CLINT1: variants seen among roughly 807,000 people sequenced by gnomAD.
CLINT1 encodes clathrin interacting protein localized in the trans-Golgi region.
A neutral mutation model predicts 70.4 loss-of-function variants in CLINT1; 15 were observed. That is an observed-to-expected ratio of 0.21 (90% confidence interval 0.14 to 0.33). The LOEUF (loss-of-function observed/expected upper bound fraction) is 0.33. CLINT1 is among the 10% of genes least tolerant of loss of function. The probability of loss-of-function intolerance (pLI) is 1.00; values close to 1 mark genes in which losing one functional copy is unlikely to be tolerated. For synonymous variants in CLINT1, 227 were observed against 254.7 expected, an observed-to-expected ratio of 0.89 and a Z score of 1.04; for missense variants, 615 against 778.1, an observed-to-expected ratio of 0.79 and a Z score of 2.49.
chr5:157,857,077 C>T (rs1184579851), intron 1 of CLINT1, among the ~76,000 whole-genome samples: 2 of 152,034 alleles, frequency 1.3e-5, no homozygotes, highest in African/African-American at 4.8e-5. Context: ...CTTCTGACCT[C>T]TGACTGAGAA....
chr5:157,839,482 G>T (rs932339362), intron 1 of CLINT1, among the ~76,000 whole-genome samples: 2 of 152,026 alleles, frequency 1.3e-5, no homozygotes, highest in Non-Finnish European at 1.5e-5. Context: ...GCAGGCACCT[G>T]TAATCCCAGC....
At chr5:157,810,219 A>T (rs1762513628) in intron 5 of CLINT1, among the ~76,000 whole-genome samples, 1 of 152,244 alleles carries the variant, frequency 6.6e-6, no homozygotes, top group African/African-American at 2.4e-5. Flanking sequence ...TTTTCAGAAA[A>T]GCATTGGATA....
rs576702660 is a variant in CLINT1 at position 157,853,423 on chromosome 5, T to C, written c.41+5507A>G. ...TGTGAAACCTTGGATTACTAGCAAA[T>C]GGCACTCAAAATAAAAAAGGCTAAG... On this transcript the variant is annotated intron_variant, in intron 1 of 11. Transcript: ENST00000411809. Among the ~76,000 whole-genome samples, 24 of 150,900 alleles carry C rather than the reference T, an allele frequency of 1.6e-4. No homozygotes were observed. The South Asian group carries it at 4.6e-3, about 29-fold the overall frequency.
At chr5:157,795,191 T>TA in intron 8 of CLINT1, 1 of 512,168 alleles carries the variant, frequency 2.0e-6, no homozygotes, top group South Asian at 3.0e-5. Flanking sequence ...TCTAGTAAGA[T>TA]AAATGACACT....
intron 1 of CLINT1, among the ~76,000 whole-genome samples, chr5:157,825,282 T>C (rs1268400888): frequency 2.0e-5 from 3 of 152,180 alleles, no homozygotes; most frequent in African/African-American, 7.2e-5. Context: ...ATGCATCTTC[T>C]GTTTTCCTCT....
intron 1 of CLINT1, among the ~76,000 whole-genome samples, chr5:157,826,986 G>A (rs1027141433): frequency 2.0e-5 from 3 of 152,132 alleles, no homozygotes; most frequent in African/African-American, 4.8e-5. Flanking sequence ...TTACAGAAGA[G>A]TTTACCTAAC....
chr5:157,841,145 A>G (rs1235235025), intron 1 of CLINT1, among the ~76,000 whole-genome samples: 1 of 152,164 alleles, frequency 6.6e-6, no homozygotes, highest in East Asian at 1.9e-4. Flanking sequence ...ATATGCCTGT[A>G]GTTCCAGCTA....
chr5:157,812,453 T>G (rs1310560332), intron 5 of CLINT1, among the ~76,000 whole-genome samples: 1 of 152,216 alleles, frequency 6.6e-6, no homozygotes, highest in Non-Finnish European at 1.5e-5. Flanking sequence ...GAAACTATAT[T>G]ATTATATTAA....
chr5:157,812,892 G>T (rs1762605870), intron 5 of CLINT1, among the ~76,000 whole-genome samples, 171 bp downstream of exon 5: 1 of 152,136 alleles, frequency 6.6e-6, no homozygotes, highest in African/African-American at 2.4e-5. Context: ...GTTAAAAATA[G>T]GAAGATTCAT....
At chr5:157,807,328 G>C (rs1486632440) in intron 6 of CLINT1, among the ~76,000 whole-genome samples, 1 of 152,036 alleles carries the variant, frequency 6.6e-6, no homozygotes, top group East Asian at 1.9e-4. Flanking sequence ...CAAATGACCT[G>C]AAGATTCCCA....
At chr5:157,818,259 T>A (rs1029951577) in intron 1 of CLINT1, among the ~76,000 whole-genome samples, 1 of 152,146 alleles carries the variant, frequency 6.6e-6, no homozygotes, top group Non-Finnish European at 1.5e-5. Flanking sequence ...TCACTTACTA[T>A]GTGACCTTTG....
intron 1 of CLINT1, among the ~76,000 whole-genome samples, chr5:157,818,552 G>A (rs1762789523): frequency 6.6e-6 from 1 of 151,504 alleles, no homozygotes; most frequent in East Asian, 1.9e-4. Flanking sequence ...GGGAGGCTGA[G>A]GTGGGAAGAT....
chr5:157,808,674 C>T (rs1561646800), intron 6 of CLINT1, among the ~76,000 whole-genome samples: 1 of 152,054 alleles, frequency 6.6e-6, no homozygotes, highest in Non-Finnish European at 1.5e-5. Flanking sequence ...TGCTGCAAAG[C>T]TCAAAGTATT....
intron 1 of CLINT1, among the ~76,000 whole-genome samples, chr5:157,841,695 A>G (rs1158744193): frequency 6.6e-6 from 1 of 152,152 alleles, no homozygotes; most frequent in African/African-American, 2.4e-5. Flanking sequence ...ACCAGGGCTC[A>G]TTGAAGCCTC....
At chr5:157,858,833 G>C in intron 1 of CLINT1, 97 bp downstream of exon 1, 1 of 1,313,720 alleles carries the variant, frequency 7.6e-7, no homozygotes, top group South Asian at 1.3e-5. Flanking sequence ...AGAGCCAGGG[G>C]GCGTGACGTG....
rs1763206558 is a variant in CLINT1, at chr5:157,830,771, TCTCTC to T, written c.42-13229_42-13225del. 4.0e-5 allele frequency among the ~76,000 whole-genome samples: 5 copies of T among 125,136 alleles called. No homozygotes were observed. In the Admixed American group the frequency reaches 4.4e-4, roughly 11 times the overall value. The allele number at this position is 125,136 out of a possible 152,430, so 82.1% of individuals were successfully genotyped here. A position where few individuals can be genotyped will look rare whatever the true frequency, so the allele number is the denominator to read the frequency against. On this transcript the variant is annotated intron_variant, in intron 1 of 11. Transcript: ENST00000411809. ...CCCTCTCTCTCCCTCTCTCTCTCTC[TCTCTC>T]TCTCTCTCTCTCTCTCTCTCTATAT... is the stretch of plus-strand genomic sequence containing the variant.
intron 1 of CLINT1, among the ~76,000 whole-genome samples, chr5:157,851,217 T>C (rs1753561787): frequency 6.6e-6 from 1 of 152,220 alleles, no homozygotes; most frequent in African/African-American, 2.4e-5. Flanking sequence ...ATATAAGCTA[T>C]TTGAATGAGA....
intron 8 of CLINT1, chr5:157,796,240 A>G (rs1052481368): frequency 3.9e-5 from 6 of 152,220 alleles, no homozygotes; most frequent in Non-Finnish European, 5.9e-5. Context: ...GACCCAAATT[A>G]TAAGTCTGCA....
intron 1 of CLINT1, among the ~76,000 whole-genome samples, chr5:157,841,348 C>T (rs1421519741): frequency 6.6e-6 from 1 of 150,996 alleles, no homozygotes; most frequent in African/African-American, 2.5e-5. Context: ...GGCAGACCAC[C>T]TGAGGTCAGG....
Sources: gnomAD v4.1 joint callset for allele counts (sites outside exome capture counted in the v4.1 genomes callset) on GRCh38, gnomAD v4.1.1 for gene constraint, MANE v1.5 for transcripts, NCBI Gene and HGNC (gene_info 2026-07-23, HGNC 2026-07-21) for gene names.